The following ZNF469 variants were observed in gnomAD, a reference collection of about 807,000 sequenced individuals.
The protein encoded by ZNF469 is zinc finger protein 469.
A neutral mutation model predicts 1.0 loss-of-function variants in ZNF469; 1 was observed. The ratio of observed to expected loss-of-function variants is 1.00; its 90% CI spans 0.35 to 4.73. The LOEUF is 4.73. Ranked by LOEUF, ZNF469 falls within the 30% of genes most tolerant of loss-of-function variation. The pLI is 0.16. For missense variants in ZNF469, 6,100 were observed against 5,356.3 expected, an observed-to-expected ratio of 1.14 and a Z score of -4.33; for synonymous variants, 2,703 against 2,363.4, an observed-to-expected ratio of 1.14 and a Z score of -4.17.
Position 88,428,054 on chromosome 16 carries a change from A to C in ZNF469, c.584A>C (p.Asn195Thr), listed in dbSNP as rs1277050912. The C allele has an allele frequency of 3.7e-5, 57 of 1,549,014 alleles. No homozygotes were observed. The highest frequency in any genetic ancestry group is 5.0e-5 in the Non-Finnish European group (57 of 1,146,516). Residue 195 changes from asparagine (N) to threonine (T), a missense_variant, in exon 3 of 3, where the codon AAC (asparagine) becomes ACC (threonine). Physicochemically the swap from Asn to Thr is moderately conservative, Grantham distance 65 (BLOSUM62 0). Coordinates refer to ENST00000565624, the MANE Select transcript of ZNF469 (RefSeq NM_001367624.2). ...QEPPSSFTST[N>T]YTSPSATPRP... Reference sequence around the variant, plus strand: ...CCACCCTCCAGCTTTACCTCCACCAACTATACCTCACCAAGCGCCACCCCC... The same window carrying C: ...CCACCCTCCAGCTTTACCTCCACCACCTATACCTCACCAAGCGCCACCCCC...
At chr16:88,131,819 G>A in the ZNF469 span, among the ~76,000 whole-genome samples, 17 of 152,332 alleles carry the variant, frequency 1.1e-4, no homozygotes, top group Admixed American at 9.1e-4. Context: ...GGACACGGCT[G>A]TGCTTTGGGG....
At chr16:88,409,133 G>A (rs1905082206) in intron 1 of ZNF469, among the ~76,000 whole-genome samples, 1 of 152,228 alleles carries the variant, frequency 6.6e-6, no homozygotes, top group Admixed American at 6.5e-5. Context: ...GACCCCGGGA[G>A]TGCGGCCTGG....
chr16:88,116,507 G>A, the ZNF469 span, among the ~76,000 whole-genome samples: 10 of 152,312 alleles, frequency 6.6e-5, no homozygotes, highest in East Asian at 7.7e-4. Context: ...CTCTTGGGGC[G>A]TTTATTCCAA....
At chr16:88,279,239 A>C in the ZNF469 span, among the ~76,000 whole-genome samples, 96 of 147,008 alleles carry the variant, frequency 6.5e-4, no homozygotes, top group Non-Finnish European at 7.6e-5. Flanking sequence ...CTGCACGGTT[A>C]GTGCTGTGCC....
At chr16:88,422,898 G>T in intron 1 of ZNF469, among the ~76,000 whole-genome samples, 1 of 30,036 alleles carries the variant, frequency 3.3e-5, no homozygotes, top group South Asian at 4.7e-3. Flanking sequence ...ATGGATGGAC[G>T]GACAGACGGA....
the ZNF469 span, among the ~76,000 whole-genome samples, chr16:88,353,918 C>T: frequency 1.2e-3 from 188 of 152,244 alleles, 1 homozygote; most frequent in Admixed American, 2.7e-3. Context: ...CTCTAGGCAG[C>T]GGGAAGGTAA....
At chr16:88,329,853 G>C in the ZNF469 span, among the ~76,000 whole-genome samples, 5 of 152,360 alleles carry the variant, frequency 3.3e-5, no homozygotes, top group South Asian at 8.3e-4. Flanking sequence ...TCACCCACCA[G>C]AGCAGAGATG....
In ZNF469 at chr16:88,439,494, A is replaced by G; in HGVS notation, c.*162A>G. On this transcript the variant is annotated 3_prime_UTR_variant, in exon 3 of 3. Coordinates refer to ENST00000565624, the MANE Select transcript of ZNF469 (RefSeq NM_001367624.2). The stretch of plus-strand genomic sequence containing the variant: ...GAGCTGAGGTGGTGATGCTTTGAAC[A>G]GGGCCCAGGTGGGCAGCATTCCCTT... The G allele has an allele frequency of 2.5e-6, 2 of 805,400 alleles. No individual in the cohort carries two copies. The highest frequency in any genetic ancestry group is 4.0e-6 in the Non-Finnish European group (2 of 505,374). 49.9% of individuals were successfully genotyped at this position (805,400 alleles called of 1,614,324 possible). A position where few individuals can be genotyped will look rare whatever the true frequency, so the allele number is the denominator to read the frequency against.
At chr16:88,284,739 C>A in the ZNF469 span, among the ~76,000 whole-genome samples, 22 of 152,218 alleles carry the variant, frequency 1.4e-4, no homozygotes, top group Non-Finnish European at 2.8e-4. Flanking sequence ...TGGTGTGCGG[C>A]CTGCAGGCAC....
the ZNF469 span, among the ~76,000 whole-genome samples, chr16:88,257,436 A>G: frequency 1.3e-5 from 2 of 152,160 alleles, no homozygotes; most frequent in South Asian, 2.1e-4. Context: ...ATTTCCATCA[A>G]AAATATTTTC....
chr16:88,204,425 G>A, the ZNF469 span, among the ~76,000 whole-genome samples: 2 of 152,216 alleles, frequency 1.3e-5, no homozygotes, highest in Non-Finnish European at 2.9e-5. Context: ...GAGAGATTCT[G>A]GGAAGCCCCT....
the ZNF469 span, among the ~76,000 whole-genome samples, chr16:88,126,482 G>C: frequency 1.0e-4 from 15 of 149,028 alleles, no homozygotes; most frequent in African/African-American, 3.7e-4. Context: ...GTTGTGCTTG[G>C]AGATTTTAAT....
At chr16:88,232,642 G>A in the ZNF469 span, among the ~76,000 whole-genome samples, 1 of 152,258 alleles carries the variant, frequency 6.6e-6, no homozygotes, top group African/African-American at 2.4e-5. Flanking sequence ...CTCTCTGCCT[G>A]AGAGAGGGTC....
At chr16:88,412,592 C>G (rs1905201296) in intron 1 of ZNF469, among the ~76,000 whole-genome samples, 1 of 152,202 alleles carries the variant, frequency 6.6e-6, no homozygotes, top group South Asian at 2.1e-4. Flanking sequence ...AGAGTTGCCC[C>G]AGACTGGGCC....
chr16:88,144,687 C>CT, the ZNF469 span, among the ~76,000 whole-genome samples: 1 of 152,216 alleles, frequency 6.6e-6, no homozygotes, highest in Non-Finnish European at 1.5e-5. Flanking sequence ...ATCCTGAACT[C>CT]TAAGGAGAAG....
chr16:88,235,141 G>C, the ZNF469 span, among the ~76,000 whole-genome samples: 2 of 152,172 alleles, frequency 1.3e-5, no homozygotes, highest in African/African-American at 4.8e-5. Flanking sequence ...GGTTGACAAG[G>C]GATCCCGTGG....
At chr16:88,220,277 A>G in the ZNF469 span, among the ~76,000 whole-genome samples, 3 of 152,302 alleles carry the variant, frequency 2.0e-5, no homozygotes, top group African/African-American at 7.2e-5. Context: ...CGCATCCTTC[A>G]GCGAGATTGG....
At chr16:88,420,350 GA>G (rs367920773) in intron 1 of ZNF469, among the ~76,000 whole-genome samples, 78 of 152,268 alleles carry the variant, frequency 5.1e-4, no homozygotes, top group African/African-American at 1.7e-3. Context: ...TCACAAGGAG[GA>G]GGAGCAGGTT....
intron 1 of ZNF469, among the ~76,000 whole-genome samples, chr16:88,413,385 G>A (rs1010265539): frequency 1.3e-5 from 2 of 152,170 alleles, no homozygotes; most frequent in Admixed American, 6.5e-5. Context: ...CAGGAGGAAC[G>A]CAGGAGTGAG....
Sources: allele counts gnomAD v4.1 joint callset (sites outside exome capture counted in the v4.1 genomes callset), GRCh38; gene constraint gnomAD v4.1.1; transcripts MANE v1.5; gene names NCBI Gene and HGNC (gene_info 2026-07-23, HGNC 2026-07-21).